TNRC18: variants seen among roughly 807,000 people sequenced by gnomAD.
The protein encoded by TNRC18 is trinucleotide repeat-containing gene 18 protein.
In TNRC18, 69 loss-of-function variants were observed where a neutral mutation model predicts 226.7. The ratio of observed to expected loss-of-function variants is 0.30; its 90% CI spans 0.25 to 0.37. TNRC18 has a LOEUF of 0.37. TNRC18 is among the 10% of genes least tolerant of loss of function. The pLI, the probability that TNRC18 is intolerant of heterozygous loss-of-function variation, is 1.00. For missense variants in TNRC18, 4,754 were observed against 4,256.6 expected (o/e 1.12, Z -3.25); for synonymous variants, 2,449 against 1,927.6 (o/e 1.27, Z -7.09).
chr7:5,404,738 A>G (rs1455073037), intron 2 of TNRC18, among the ~76,000 whole-genome samples: 4 of 149,040 alleles, frequency 2.7e-5, no homozygotes, highest in African/African-American at 1.0e-4. Context: ...CCCCATCAAA[A>G]CCCCAGCAGC....
intron 2 of TNRC18, among the ~76,000 whole-genome samples, chr7:5,408,897 C>T (rs1180095372): frequency 6.6e-6 from 1 of 152,122 alleles, no homozygotes; most frequent in Non-Finnish European, 1.5e-5. Flanking sequence ...AAGATGGAAC[C>T]ACTGAGGGTA....
chr7:5,389,366 C>A lies in TNRC18; in HGVS notation c.488-30G>T, dbSNP rs997429692. The A allele has an allele frequency of 5.6e-6, 7 of 1,242,006 alleles. No individual in the cohort carries two copies. The South Asian group carries it at 1.8e-4, about 32-fold the overall frequency. 76.9% of individuals were successfully genotyped at this position (1,242,006 alleles called of 1,614,324 possible). A position where few individuals can be genotyped will look rare whatever the true frequency, so the allele number is the denominator to read the frequency against. The stretch of plus-strand genomic sequence containing the variant: ...GGAGAAGGGAACAGCAGGCAGTGAG[C>A]GAGCGCCACCTCCCCTCCCACCCCT... On this transcript the variant is annotated intron_variant, in intron 4 of 29. Transcript: ENST00000430969.
At chr7:5,359,668 G>T in intron 14 of TNRC18, 99 bp from the exon 15 acceptor site, 1 of 1,388,200 alleles carries the variant, frequency 7.2e-7, no homozygotes, top group Non-Finnish European at 1.0e-6. Flanking sequence ...TCTGGACCCT[G>T]AGCGTGGACA....
chr7:5,396,164 CTG>C (rs1210881647), intron 2 of TNRC18, among the ~76,000 whole-genome samples: 7 of 116,990 alleles, frequency 6.0e-5, no homozygotes, highest in Non-Finnish European at 8.4e-5. Context: ...GAGAGAGACT[CTG>C]TCTCAAAAAA....
At chr7:5,330,730 G>C (rs555267650) in intron 19 of TNRC18, among the ~76,000 whole-genome samples, 1 of 152,262 alleles carries the variant, frequency 6.6e-6, no homozygotes, top group Non-Finnish European at 1.5e-5. Context: ...CTGGAGTGCA[G>C]TGGCACAATC....
chr7:5,332,509 G>A (rs1789635005), intron 19 of TNRC18, 113 bp downstream of exon 19: 2 of 1,238,280 alleles, frequency 1.6e-6, no homozygotes, highest in Non-Finnish European at 2.2e-6. Flanking sequence ...CTGGAGCCGA[G>A]TACATGGTTA....
chr7:5,357,435 G>A (rs1420571996), intron 15 of TNRC18, among the ~76,000 whole-genome samples, 159 bp from the exon 16 acceptor site: 2 of 151,728 alleles, frequency 1.3e-5, no homozygotes, highest in Non-Finnish European at 2.9e-5. Flanking sequence ...TTTTAGAGAC[G>A]GAGTCTCGCT....
chr7:5,376,976 G>A lies in TNRC18; in HGVS notation c.2479C>T (p.Leu827=), dbSNP rs1286007750. ...AACGCAGGGGCCATGCCCTGGTGCA[G>A]AGATGGGGGACCCAAGCCTAGGAGG... ...GHPYGLGPPS[L]HQGMAPAFPP... Residue 827 remains leucine (L), a synonymous_variant, in exon 8 of 30, where the codon CTG becomes TTG. Coordinates refer to ENST00000430969, the MANE Select transcript of TNRC18 (RefSeq NM_001080495.3). The A allele has an allele frequency of 1.3e-6, 2 of 1,583,498 alleles. No individual in the cohort carries two copies. Among genetic ancestry groups the A allele is most frequent in the Non-Finnish European group, 1.7e-6 (2 of 1,165,204 alleles).
In TNRC18 at chr7:5,377,527, C is replaced by A; in HGVS notation, c.2305G>T (p.Ala769Ser). The change falls in exon 7 of 30, where the codon GCT becomes TCT. Residue 769 changes from alanine to serine, a missense_variant. Physicochemically the swap from Ala to Ser is moderately conservative, Grantham distance 99. Transcript: ENST00000430969. The surrounding 1 kb of genome is among the most constrained non-coding windows in gnomAD (Gnocchi z 5.8). The stretch of plus-strand genomic sequence containing the variant: ...AGGTTGGGGTTCAGGCCGTTAGGAG[C>A]ACAGCTGGTAGGGTGCAGGCGGGCC... ...DLARLHPTSCAPNGLNPNLMV... is the reference protein window; with the variant it reads ...DLARLHPTSCSPNGLNPNLMV... 1 of 1,590,796 alleles carries A rather than the reference C, an allele frequency of 6.3e-7. No homozygotes were observed.
intron 2 of TNRC18, among the ~76,000 whole-genome samples, chr7:5,406,329 G>A (rs1338759610): frequency 6.6e-6 from 1 of 152,102 alleles, no homozygotes; most frequent in African/African-American, 2.4e-5. Flanking sequence ...CCATTGTGGT[G>A]GCGGCACCTG....
rs530952890 is a variant in TNRC18, at chr7:5,368,276, G to A, written c.4219+2099C>T. On this transcript the variant is annotated intron_variant, in intron 11 of 29. Coordinates refer to ENST00000430969, the MANE Select transcript of TNRC18 (RefSeq NM_001080495.3). The stretch of plus-strand genomic sequence containing the variant: ...GAGTTCAAGAGTTCGCGACCAGCCT[G>A]GCCAACATGGCGAAACCCCATCTCT... Among the ~76,000 whole-genome samples, 13 of 150,798 alleles carry A rather than the reference G, an allele frequency of 8.6e-5. No individual in the cohort carries two copies. The South Asian group carries it at 2.3e-3, about 27-fold the overall frequency.
In TNRC18 at chr7:5,376,215, A is replaced by C; in HGVS notation, c.2618T>G (p.Met873Arg). Reference sequence around the variant, plus strand: ...GAGGGGCGGTACGGTGGCCCGCTCCATCAGCTCCGCTGCAGGGACAGAGAC... The same window carrying C: ...GAGGGGCGGTACGGTGGCCCGCTCCCTCAGCTCCGCTGCAGGGACAGAGAC... ...SDHLPHFAEL[M>R]ERATVPPLWP... is the part of the protein sequence containing the mutation. The change falls in exon 9 of 30, where the codon ATG becomes AGG. Residue 873 changes from methionine to arginine, a missense_variant. Met to Arg is a moderately conservative substitution (Grantham distance 91). Coordinates refer to ENST00000430969, the MANE Select transcript of TNRC18 (RefSeq NM_001080495.3). 1 of 1,501,738 alleles carries C rather than the reference A, an allele frequency of 6.7e-7. No individual in the cohort carries two copies. Among genetic ancestry groups the C allele is most frequent in the Non-Finnish European group, 8.9e-7 (1 of 1,128,858 alleles). 93.0% of individuals were successfully genotyped at this position (1,501,738 alleles called of 1,614,324 possible). A position where few individuals can be genotyped will look rare whatever the true frequency, so the allele number is the denominator to read the frequency against.
chr7:5,409,573 A>G (rs1236143941), intron 2 of TNRC18, among the ~76,000 whole-genome samples: 1 of 152,096 alleles, frequency 6.6e-6, no homozygotes, highest in African/African-American at 2.4e-5. Flanking sequence ...CCAGTAACAC[A>G]GGGAGACCCT....
At chr7:5,372,164 T>C (rs954608508) in intron 10 of TNRC18, among the ~76,000 whole-genome samples, 1 of 151,406 alleles carries the variant, frequency 6.6e-6, no homozygotes, top group Admixed American at 6.6e-5. Flanking sequence ...ACCTCCTGGG[T>C]TCACGCCCTT....
chr7:5,386,641 T>C (rs1307705802), intron 5 of TNRC18, among the ~76,000 whole-genome samples: 1 of 151,588 alleles, frequency 6.6e-6, no homozygotes, highest in East Asian at 1.9e-4. Flanking sequence ...TCCCAGCTAC[T>C]TGGGAGGCTA....
intron 2 of TNRC18, chr7:5,420,034 G>A: frequency 5.7e-6 from 1 of 176,622 alleles, no homozygotes; most frequent in South Asian, 9.3e-5. Context: ...AAAAGCCAGG[G>A]ACAGCCCGGG....
intron 18 of TNRC18, 97 bp from the exon 19 acceptor site, chr7:5,333,146 C>T (rs1274747550): frequency 8.0e-6 from 11 of 1,368,922 alleles, no homozygotes; most frequent in South Asian, 1.3e-5. Flanking sequence ...GCGGGACCTC[C>T]CCGCCAATGG....
intron 14 of TNRC18, 72 bp downstream of exon 14, chr7:5,361,522 C>T: frequency 7.0e-7 from 1 of 1,421,164 alleles, no homozygotes; most frequent in Non-Finnish European, 9.2e-7. Context: ...CCGAGGCAGG[C>T]CCTGCGTGGG....
chr7:5,351,497 C>CGGGGGA (rs1791809166), intron 17 of TNRC18, among the ~76,000 whole-genome samples: 2 of 8,884 alleles, frequency 2.3e-4, no homozygotes, highest in African/African-American at 9.5e-4. Flanking sequence ...GGGGGGAACT[C>CGGGGGA]GGGGGAGGGG....
Sources: allele counts gnomAD v4.1 joint callset (sites outside exome capture counted in the v4.1 genomes callset), GRCh38; gene constraint gnomAD v4.1.1; non-coding constraint Gnocchi (gnomAD v3.1); transcripts MANE v1.5; gene names NCBI Gene and HGNC (gene_info 2026-07-23, HGNC 2026-07-21).